Variants in PCCA observed in about 807,000 individuals in gnomAD.
PCCA encodes the protein propionyl-CoA carboxylase subunit alpha, also known as propionyl-CoA carboxylase alpha chain, mitochondrial.
PCCA carries 74 observed loss-of-function variants against 101.3 expected under a neutral mutation model. That is an observed-to-expected ratio of 0.73 (90% CI 0.61 to 0.89). PCCA has a LOEUF of 0.89. PCCA is among the 40% of genes least tolerant of loss of function. The probability of loss-of-function intolerance (pLI) is 0.00; values close to 1 mark genes in which losing one functional copy is unlikely to be tolerated. For synonymous variants in PCCA, 294 were observed against 313.6 expected, an observed-to-expected ratio of 0.94 and a Z score of 0.66; for missense variants, 891 against 907.0, an observed-to-expected ratio of 0.98 and a Z score of 0.23.
At chr13:100,108,877 C>T (rs2048049610) in intron 2 of PCCA, among the ~76,000 whole-genome samples, 1 of 152,134 alleles carries the variant, frequency 6.6e-6, no homozygotes, top group Non-Finnish European at 1.5e-5. Flanking sequence ...CCCTTTTGTA[C>T]TTTAAAAATT....
chr13:100,462,225 T>G (rs1359952592), intron 21 of PCCA, among the ~76,000 whole-genome samples: 2 of 152,226 alleles, frequency 1.3e-5, no homozygotes, highest in African/African-American at 4.8e-5. Context: ...CTGTGTGCCA[T>G]GTAACCAAGC....
intron 21 of PCCA, chr13:100,477,402 A>C (rs1429970579): frequency 6.6e-6 from 1 of 152,146 alleles, no homozygotes; most frequent in Non-Finnish European, 1.5e-5. Context: ...TTAGATGTGG[A>C]GTTTCTAATT....
At position 100,309,902 on chromosome 13, in the gene PCCA, A is replaced by G. The variant is rs35719359; in HGVS notation, c.1423A>G (p.Ile475Val). The change falls in exon 16 of 24, where the codon ATT becomes GTT. Residue 475 changes from isoleucine (I) to valine (V), a missense_variant. Transcript: ENST00000376285. Reference sequence around the variant, plus strand: ...GGCAGATGCACTGGATAACTATGTTATTCGAGGTAAAAACAAAGATTTGCA... The same window carrying G: ...GGCAGATGCACTGGATAACTATGTTGTTCGAGGTAAAAACAAAGATTTGCA... ...RMADALDNYVIRGVTHNIALL... is the reference protein window; with the variant it reads ...RMADALDNYVVRGVTHNIALL... 75,648 of 1,609,050 alleles carry G rather than the reference A, an allele frequency of 0.047. 2,159 individuals are homozygous for G. The highest frequency in any genetic ancestry group is 0.053 in the Non-Finnish European group (62,471 of 1,175,428).
chr13:100,398,671 C>G (rs1283752455), intron 19 of PCCA, among the ~76,000 whole-genome samples: 2 of 152,060 alleles, frequency 1.3e-5, no homozygotes, highest in Non-Finnish European at 2.9e-5. Context: ...CTTGCTAGAG[C>G]TGGAGAATAG....
At chr13:100,524,983 GGATA>G (rs201979758) in intron 22 of PCCA, among the ~76,000 whole-genome samples, 12,452 of 137,068 alleles carry the variant, frequency 0.091, 566 homozygotes, top group Middle Eastern at 0.14. Flanking sequence ...TCTCTAAGAT[GGATA>G]GATAGATAGA....
chr13:100,102,583 T>C (rs1413903690), intron 1 of PCCA, among the ~76,000 whole-genome samples: 3 of 152,246 alleles, frequency 2.0e-5, no homozygotes, highest in Non-Finnish European at 4.4e-5. Flanking sequence ...GTGACATTTC[T>C]GACCCTGCTC....
In PCCA at chr13:100,247,663, G is replaced by A. The variant is rs145572688; in HGVS notation, c.638-9932G>A. ...CGAGTAGCTGTGACTACAGGTGCCT[G>A]CCACCACACCTGGCTAATTTTTTTG... On this transcript the variant is annotated intron_variant, in intron 8 of 23. Transcript: ENST00000376285. 8.2e-4 allele frequency among the ~76,000 whole-genome samples: 124 copies of A among 151,794 alleles called. 1 individual carries two copies. The highest frequency in any genetic ancestry group is 3.4e-3 in the Middle Eastern group (1 of 292).
rs1566594619 is a variant in PCCA, at chr13:100,155,024, C to G, written c.346C>G (p.Pro116Ala). 2 of 1,613,994 alleles carry G rather than the reference C, an allele frequency of 1.2e-6. No individual in the cohort carries two copies. The highest frequency in any genetic ancestry group is 1.7e-6 in the Non-Finnish European group (2 of 1,179,964). ...ADEAVCVGPA[P>A]TSKSYLNMDA... ...TGAGGCTGTCTGTGTTGGCCCAGCT[C>G]CCACCAGTAAAAGCTACCTCAACAT... Residue 116 changes from proline to alanine, a missense_variant, in exon 5 of 24, where the codon CCC becomes GCC. Coordinates refer to ENST00000376285, the MANE Select transcript of PCCA (RefSeq NM_000282.4).
intron 12 of PCCA, among the ~76,000 whole-genome samples, chr13:100,296,852 C>T (rs961136712): frequency 2.6e-5 from 4 of 152,038 alleles, no homozygotes; most frequent in African/African-American, 9.7e-5. Flanking sequence ...GGACTATATT[C>T]AAATTTCCCC....
chr13:100,378,308 G>C (rs1177978942), intron 19 of PCCA, among the ~76,000 whole-genome samples: 1 of 152,164 alleles, frequency 6.6e-6, no homozygotes, highest in East Asian at 1.9e-4. Flanking sequence ...CTGTTAGTCT[G>C]ATGGGACTTC....
chr13:100,361,990 A>G (rs901989491), intron 18 of PCCA, among the ~76,000 whole-genome samples: 2 of 152,216 alleles, frequency 1.3e-5, no homozygotes, highest in Non-Finnish European at 2.9e-5. Flanking sequence ...CAAACTGGAA[A>G]CCACCAAAAA....
At chr13:100,501,279 A>T (rs745780384) in intron 21 of PCCA, among the ~76,000 whole-genome samples, 1 of 152,264 alleles carries the variant, frequency 6.6e-6, no homozygotes, top group Non-Finnish European at 1.5e-5. Flanking sequence ...TAGATTGAAT[A>T]GAGAGGAAGT....
intron 19 of PCCA, among the ~76,000 whole-genome samples, chr13:100,374,508 GTCCA>G: frequency 6.6e-6 from 1 of 152,156 alleles, no homozygotes; most frequent in South Asian, 2.1e-4. Context: ...CGCACCTATA[GTCCA>G]TCCACTCAGG....
intron 1 of PCCA, among the ~76,000 whole-genome samples, 176 bp downstream of exon 1, chr13:100,089,401 A>G (rs1229605689): frequency 2.0e-5 from 3 of 152,230 alleles, no homozygotes; most frequent in Admixed American, 2.0e-4. Flanking sequence ...CAGCGGGCTC[A>G]GGAGGCATCC....
chr13:100,315,696 G>A (rs1169423616), intron 16 of PCCA, among the ~76,000 whole-genome samples: 2 of 152,144 alleles, frequency 1.3e-5, no homozygotes, highest in African/African-American at 2.4e-5. Context: ...GAACCAGCAG[G>A]CAGTCAGGGG....
At chr13:100,338,692 G>A (rs759753501) in intron 17 of PCCA, among the ~76,000 whole-genome samples, 3 of 148,618 alleles carry the variant, frequency 2.0e-5, no homozygotes, top group Non-Finnish European at 4.5e-5. Context: ...TGGTTTATTA[G>A]GCTGTTGTGA....
intron 6 of PCCA, among the ~76,000 whole-genome samples, chr13:100,207,374 A>T (rs142345488): frequency 6.6e-6 from 1 of 152,026 alleles, no homozygotes; most frequent in Admixed American, 6.5e-5. Flanking sequence ...TTCATTCACA[A>T]CTTTTATTTT....
At chr13:100,212,801 A>G (rs1489576337) in intron 7 of PCCA, among the ~76,000 whole-genome samples, 1 of 151,998 alleles carries the variant, frequency 6.6e-6, no homozygotes, top group Non-Finnish European at 1.5e-5. Context: ...TGTGCTGTCG[A>G]ATACTAGATC....
At chr13:100,240,232 ACT>A (rs1490128865) in intron 8 of PCCA, among the ~76,000 whole-genome samples, 2 of 152,076 alleles carry the variant, frequency 1.3e-5, no homozygotes, top group African/African-American at 4.8e-5. Flanking sequence ...ACAATTCTTT[ACT>A]CTGACTACTA....
Sources: allele counts gnomAD v4.1 joint callset (sites outside exome capture counted in the v4.1 genomes callset), GRCh38; gene constraint gnomAD v4.1.1; transcripts MANE v1.5; gene names NCBI Gene and HGNC (gene_info 2026-07-23, HGNC 2026-07-21).